GRIN2B: variants seen among roughly 807,000 people sequenced by gnomAD.
GRIN2B encodes glutamate ionotropic receptor NMDA type subunit 2B, also known as glutamate receptor ionotropic, NMDA 2B.
In GRIN2B, 5 loss-of-function variants were observed where a neutral mutation model predicts 114.5. The observed-to-expected ratio is 0.04, with a 90% CI of 0.02 to 0.09. The LOEUF is 0.09. Among genes scored for constraint, GRIN2B ranks in the 10% least tolerant of loss-of-function variants. GRIN2B has a pLI of 1.00. For synonymous variants in GRIN2B, 787 were observed against 745.1 expected, an observed-to-expected ratio of 1.06 and a Z score of -0.92; for missense variants, 1,108 against 1,943.5, an observed-to-expected ratio of 0.57 and a Z score of 8.08.
At chr12:13,588,078 A>G (rs1469615563) in intron 10 of GRIN2B, among the ~76,000 whole-genome samples, 1 of 152,204 alleles carries the variant, frequency 6.6e-6, no homozygotes, top group Non-Finnish European at 1.5e-5. Flanking sequence ...GGTCTTATTG[A>G]ACTCCATGAT....
chr12:13,610,536 C>A (rs1299659409), intron 9 of GRIN2B, among the ~76,000 whole-genome samples: 10 of 152,206 alleles, frequency 6.6e-5, no homozygotes, highest in Non-Finnish European at 1.5e-4. Flanking sequence ...TGGAAGGCCC[C>A]TGATTGTACC....
chr12:13,755,289 A>G (rs1054938048), intron 3 of GRIN2B, among the ~76,000 whole-genome samples: 1 of 152,192 alleles, frequency 6.6e-6, no homozygotes, highest in Admixed American at 6.5e-5. Context: ...TGAAAAAAAT[A>G]CAGGTTGGGA....
At chr12:13,579,998 G>A (rs1180803663) in intron 10 of GRIN2B, among the ~76,000 whole-genome samples, 1 of 152,214 alleles carries the variant, frequency 6.6e-6, no homozygotes, top group African/African-American at 2.4e-5. Flanking sequence ...AACCTGGTTA[G>A]CTTCCAGGGT....
At chr12:13,863,690 C>A (rs1227210168) in intron 3 of GRIN2B, among the ~76,000 whole-genome samples, 1 of 152,136 alleles carries the variant, frequency 6.6e-6, no homozygotes, top group African/African-American at 2.4e-5. Context: ...AGAGTTCAGT[C>A]TCTCTGCATG....
intron 3 of GRIN2B, among the ~76,000 whole-genome samples, chr12:13,862,579 T>G (rs1865767818): frequency 6.6e-6 from 1 of 152,214 alleles, no homozygotes; most frequent in Non-Finnish European, 1.5e-5. Flanking sequence ...ATTCCCCTGT[T>G]GTTGATTAAT....
At chr12:13,570,350 TGCAACGA>T (rs1208341378) in intron 11 of GRIN2B, among the ~76,000 whole-genome samples, 5 of 152,244 alleles carry the variant, frequency 3.3e-5, no homozygotes, top group Non-Finnish European at 7.3e-5. Context: ...AAGTAACCAC[TGCAACGA>T]GCAACAAATA....
At chr12:13,567,352 A>C in intron 12 of GRIN2B, 89 bp from the exon 13 acceptor site, 1 of 841,972 alleles carries the variant, frequency 1.2e-6, no homozygotes. Flanking sequence ...TTGAGCAAGA[A>C]AGAGAAAGAT....
At chr12:13,794,449 C>A (rs1864380448) in intron 3 of GRIN2B, among the ~76,000 whole-genome samples, 1 of 152,144 alleles carries the variant, frequency 6.6e-6, no homozygotes. Context: ...GAGCTATCAC[C>A]AGAACACACT....
intron 2 of GRIN2B, among the ~76,000 whole-genome samples, chr12:13,956,478 T>C (rs918665143): frequency 1.3e-5 from 2 of 152,234 alleles, no homozygotes; most frequent in Non-Finnish European, 2.9e-5. Flanking sequence ...TAACTCTTTC[T>C]CTCTGTCACA....
chr12:13,712,195 C>A (rs1480174417), intron 4 of GRIN2B, among the ~76,000 whole-genome samples: 1 of 124,650 alleles, frequency 8.0e-6, no homozygotes, highest in Admixed American at 1.2e-4. Flanking sequence ...CACATGGACA[C>A]AGGAAGGGGA....
At chr12:13,814,288 G>A (rs1176134134) in intron 3 of GRIN2B, among the ~76,000 whole-genome samples, 1 of 152,240 alleles carries the variant, frequency 6.6e-6, no homozygotes, top group East Asian at 1.9e-4. Context: ...GGACCACGAA[G>A]AGAGCGAAGA....
chr12:13,539,925 T>C lies in GRIN2B; in HGVS notation c.*22858A>G, dbSNP rs1948255897. ...TTATGGCTACCTTATGATGTCACAA[T>C]GGTATTGTTAAACTAAAAAAGAGTC... is the stretch of plus-strand genomic sequence containing the variant. On this transcript the variant is annotated 3_prime_UTR_variant, in exon 14 of 14. Transcript: ENST00000609686. The C allele has an allele frequency of 6.6e-6, 1 of 152,188 alleles. No homozygotes were observed. Among genetic ancestry groups the C allele is most frequent in the Non-Finnish European group, 1.5e-5 (1 of 68,030 alleles). 9.4% of individuals were successfully genotyped at this position (152,188 alleles called of 1,614,324 possible).
In GRIN2B at chr12:13,967,682, G is replaced by A. The variant is rs149280224; in HGVS notation, c.-19+12246C>T. Among the ~76,000 whole-genome samples, 812 of 152,302 alleles carry A rather than the reference G, an allele frequency of 5.3e-3. 2 individuals carry two copies. The highest frequency in any genetic ancestry group is 7.0e-3 in the Non-Finnish European group (475 of 68,022). On this transcript the variant is annotated intron_variant, in intron 2 of 13. Coordinates refer to ENST00000609686, the MANE Select transcript of GRIN2B (RefSeq NM_000834.5). ...TTTCTCCCCTTGAGAAATTCACATC[G>A]GGAGGTGGGATGGATAGAGACACGA...
At chr12:13,592,173 G>T (rs1565466423) in intron 10 of GRIN2B, among the ~76,000 whole-genome samples, 1 of 152,140 alleles carries the variant, frequency 6.6e-6, no homozygotes, top group African/African-American at 2.4e-5. Context: ...ACAGGGGTGG[G>T]TGTCTGGGGT....
At chr12:13,578,793 C>T (rs1948808888) in intron 10 of GRIN2B, among the ~76,000 whole-genome samples, 1 of 152,098 alleles carries the variant, frequency 6.6e-6, no homozygotes, top group Admixed American at 6.6e-5. Flanking sequence ...GGTAGGAGAA[C>T]AAGTTTAGAC....
chr12:13,888,641 G>A (rs1042562484), intron 2 of GRIN2B, among the ~76,000 whole-genome samples: 2 of 151,838 alleles, frequency 1.3e-5, no homozygotes, highest in African/African-American at 2.4e-5. Context: ...GGCTGAGGCA[G>A]GAGAATCACT....
intron 4 of GRIN2B, among the ~76,000 whole-genome samples, chr12:13,742,831 A>T (rs1490196946): frequency 6.6e-6 from 1 of 152,172 alleles, no homozygotes; most frequent in Non-Finnish European, 1.5e-5. Flanking sequence ...CCATTGACTG[A>T]TTTCCAACCA....
At chr12:13,790,167 A>G (rs564724279) in intron 3 of GRIN2B, among the ~76,000 whole-genome samples, 1 of 152,296 alleles carries the variant, frequency 6.6e-6, no homozygotes, top group East Asian at 1.9e-4. Flanking sequence ...CCTATCCATC[A>G]CAGACGCAGC....
intron 3 of GRIN2B, among the ~76,000 whole-genome samples, chr12:13,863,641 G>A (rs900713737): frequency 3.3e-5 from 5 of 152,148 alleles, no homozygotes; most frequent in Admixed American, 3.3e-4. Flanking sequence ...AGCATATGGG[G>A]AACACTCTCA....
Sources: allele counts gnomAD v4.1 joint callset (sites outside exome capture counted in the v4.1 genomes callset), GRCh38; gene constraint gnomAD v4.1.1; transcripts MANE v1.5; gene names NCBI Gene and HGNC (gene_info 2026-07-23, HGNC 2026-07-21).